The following SPAG16 variants were observed in gnomAD, a reference collection of about 807,000 sequenced individuals.
SPAG16 encodes sperm associated antigen 16.
A neutral mutation model predicts 80.4 loss-of-function variants in SPAG16; 86 were observed. That is an observed-to-expected ratio of 1.07 (90% CI 0.90 to 1.28). The LOEUF (loss-of-function observed/expected upper bound fraction) is 1.28. Among genes scored for constraint, SPAG16 ranks in the 50% most tolerant of loss-of-function variants. SPAG16 has a pLI of 0.00. For missense variants in SPAG16, 870 were observed against 765.3 expected (o/e 1.14, Z -1.61); for synonymous variants, 294 against 265.9 (o/e 1.11, Z -1.03).
intron 11 of SPAG16, among the ~76,000 whole-genome samples, chr2:213,881,256 T>G (rs1010479907): frequency 1.3e-5 from 2 of 152,196 alleles, no homozygotes; most frequent in African/African-American, 4.8e-5. Flanking sequence ...CTGATTTGAC[T>G]CTCAGCTTGC....
At chr2:214,221,731 C>T (rs2058575756) in intron 15 of SPAG16, among the ~76,000 whole-genome samples, 1 of 152,074 alleles carries the variant, frequency 6.6e-6, no homozygotes, top group African/African-American at 2.4e-5. Context: ...CTCTATGCAT[C>T]AGAGGAATGC....
intron 13 of SPAG16, among the ~76,000 whole-genome samples, chr2:214,078,756 A>C (rs2051211995): frequency 6.6e-6 from 1 of 152,136 alleles, no homozygotes; most frequent in South Asian, 2.1e-4. Context: ...TGACATGATA[A>C]ATATCTTTAG....
At chr2:213,847,651 G>A (rs1461217326) in intron 10 of SPAG16, among the ~76,000 whole-genome samples, 1 of 152,146 alleles carries the variant, frequency 6.6e-6, no homozygotes, top group South Asian at 2.1e-4. Context: ...TGAGATTTGG[G>A]TGGGGACAAA....
chr2:213,451,578 C>T (rs79504248), intron 9 of SPAG16, among the ~76,000 whole-genome samples: 2,219 of 152,152 alleles, frequency 0.015, 23 homozygotes, highest in South Asian at 0.038. Context: ...GACGCACACA[C>T]GCATAGTGAA....
chr2:214,176,638 A>G (rs943280393), intron 15 of SPAG16, among the ~76,000 whole-genome samples: 4 of 151,300 alleles, frequency 2.6e-5, no homozygotes, highest in African/African-American at 9.7e-5. Flanking sequence ...GTTGTATATT[A>G]TTTTCCCTTG....
chr2:213,819,013 TA>T (rs144135013), intron 10 of SPAG16, among the ~76,000 whole-genome samples: 6,481 of 152,328 alleles, frequency 0.043, 230 homozygotes, highest in Non-Finnish European at 0.066. Context: ...GACTAAGTAT[TA>T]AAAGTGTACA....
At chr2:213,798,838 C>A (rs1559478076) in intron 10 of SPAG16, among the ~76,000 whole-genome samples, 1 of 152,098 alleles carries the variant, frequency 6.6e-6, no homozygotes, top group Non-Finnish European at 1.5e-5. Context: ...AAGACTATTC[C>A]TTTCCTATTA....
chr2:213,855,800 C>T (rs1358318171), intron 10 of SPAG16, among the ~76,000 whole-genome samples: 1 of 152,250 alleles, frequency 6.6e-6, no homozygotes, highest in Non-Finnish European at 1.5e-5. Context: ...AAACCACCCC[C>T]AGGATTCAAT....
At chr2:213,820,954 A>T (rs1413306688) in intron 10 of SPAG16, among the ~76,000 whole-genome samples, 1 of 152,130 alleles carries the variant, frequency 6.6e-6, no homozygotes, top group Non-Finnish European at 1.5e-5. Flanking sequence ...TGCTCCAAAA[A>T]TATAAACAAC....
At chr2:213,686,266 A>G (rs2064664980) in intron 10 of SPAG16, among the ~76,000 whole-genome samples, 1 of 152,052 alleles carries the variant, frequency 6.6e-6, no homozygotes, top group African/African-American at 2.4e-5. Flanking sequence ...CTATAGGTGC[A>G]CACCACCATG....
At chr2:213,678,517 A>C (rs530733470) in intron 10 of SPAG16, among the ~76,000 whole-genome samples, 1 of 152,320 alleles carries the variant, frequency 6.6e-6, no homozygotes, top group African/African-American at 2.4e-5. Context: ...TAGAAAATCT[A>C]GAAGAAATGG....
At chr2:214,392,831 A>C (rs184647013) in intron 15 of SPAG16, among the ~76,000 whole-genome samples, 3 of 152,326 alleles carry the variant, frequency 2.0e-5, no homozygotes, top group South Asian at 2.1e-4. Context: ...TAATTTGTTA[A>C]CACTGAACCT....
intron 13 of SPAG16, among the ~76,000 whole-genome samples, chr2:214,022,673 G>A (rs1249308329): frequency 6.6e-6 from 1 of 151,390 alleles, no homozygotes; most frequent in African/African-American, 2.4e-5. Context: ...AGGAAGTGAG[G>A]GAACAATGGA....
chr2:213,663,105 AAAT>A (rs1431794810), intron 10 of SPAG16, among the ~76,000 whole-genome samples: 3 of 152,098 alleles, frequency 2.0e-5, no homozygotes, highest in African/African-American at 7.2e-5. Context: ...TTTGCCCAAA[AAAT>A]TAACTTTAGT....
intron 12 of SPAG16, among the ~76,000 whole-genome samples, chr2:213,993,328 A>C (rs985076245): frequency 1.3e-5 from 2 of 152,196 alleles, no homozygotes; most frequent in African/African-American, 4.8e-5. Flanking sequence ...ACAGTGCAAA[A>C]TATTTTGCCA....
chr2:213,312,249 A>T (rs2063219183), intron 4 of SPAG16, among the ~76,000 whole-genome samples: 1 of 151,690 alleles, frequency 6.6e-6, no homozygotes, highest in Non-Finnish European at 1.5e-5. Flanking sequence ...TTGTTCTATG[A>T]ACCACTGAAA....
rs530880755 is a variant in SPAG16, at chr2:214,200,571, G to A, written c.1720+51305G>A. The stretch of plus-strand genomic sequence containing the variant: ...CCTTTTTTCATAACGTTACAAAGAG[G>A]GGGAGGTGAGAGGATTGCTTGAGCC... On this transcript the variant is annotated intron_variant, in intron 15 of 15. Transcript: ENST00000331683. 5.3e-5 allele frequency among the ~76,000 whole-genome samples: 8 copies of A among 152,124 alleles called. No individual in the cohort carries two copies. The South Asian group carries it at 1.7e-3, about 32-fold the overall frequency.
At chr2:214,146,918 C>T (rs900208729) in intron 14 of SPAG16, among the ~76,000 whole-genome samples, 5 of 151,544 alleles carry the variant, frequency 3.3e-5, no homozygotes, top group Non-Finnish European at 7.4e-5. Context: ...AGGAGAATGG[C>T]GTTAACCCGG....
At chr2:213,295,253 A>C (rs2062452300) in intron 1 of SPAG16, among the ~76,000 whole-genome samples, 1 of 152,186 alleles carries the variant, frequency 6.6e-6, no homozygotes, top group South Asian at 2.1e-4. Context: ...TAATAACAAC[A>C]ACAACAACAA....
Sources: allele counts gnomAD v4.1 joint callset (sites outside exome capture counted in the v4.1 genomes callset), GRCh38; gene constraint gnomAD v4.1.1; transcripts MANE v1.5; gene names NCBI Gene and HGNC (gene_info 2026-07-23, HGNC 2026-07-21).